Variants in COL6A3 observed in about 807,000 individuals in gnomAD.
The protein encoded by COL6A3 is collagen type VI alpha 3 chain.
Under a neutral mutation model 274.1 loss-of-function variants are expected in COL6A3, and 137 were observed. That is an observed-to-expected ratio of 0.50 (90% confidence interval 0.44 to 0.58). The LOEUF is 0.58. Ranked by LOEUF, COL6A3 falls within the 20% of genes least tolerant of loss-of-function variation. The pLI is 0.00. For synonymous variants in COL6A3, 1,650 were observed against 1,650.6 expected, an observed-to-expected ratio of 1.00 and a Z score of 0.01; for missense variants, 3,950 against 4,124.9, an observed-to-expected ratio of 0.96 and a Z score of 1.16.
chr2:237,376,214 A>G (rs1001282537), intron 7 of COL6A3, among the ~76,000 whole-genome samples: 2 of 152,262 alleles, frequency 1.3e-5, no homozygotes, highest in Non-Finnish European at 1.5e-5. Flanking sequence ...AGGGGAAATT[A>G]CTCTCTTCAC....
At chr2:237,400,890 A>G (rs917540543) in intron 1 of COL6A3, among the ~76,000 whole-genome samples, 3 of 152,250 alleles carry the variant, frequency 2.0e-5, no homozygotes, top group Admixed American at 2.0e-4. Flanking sequence ...ACTCTAACCA[A>G]GTGGAACTTA....
At chr2:237,329,845 G>T (rs945867030) in intron 42 of COL6A3, 2 of 152,132 alleles carry the variant, frequency 1.3e-5, no homozygotes, top group African/African-American at 4.8e-5. Context: ...CCAATGAGAA[G>T]AAAATTGTGC....
chr2:237,344,226 G>T lies in COL6A3; in HGVS notation c.7668+124C>A. On this transcript the variant is annotated intron_variant, in intron 36 of 43. Transcript: ENST00000295550. The surrounding 1 kb of genome is among the most constrained non-coding windows in gnomAD (Gnocchi z 4.8). ...CACAAGAGAAGTTCTCAGGCAGATG[G>T]CCTCATTGGGGACGTTTTAGGAGCT... 7.0e-7 allele frequency: 1 copy of T among 1,434,302 alleles called. No individual in the cohort carries two copies. The highest frequency in any genetic ancestry group is 1.4e-5 in the African/African-American group (1 of 71,566). The allele number at this position is 1,434,302 out of a possible 1,614,324, so 88.8% of individuals were successfully genotyped here.
intron 24 of COL6A3, 29 bp from the exon 25 acceptor site, chr2:237,353,432 A>G (rs774945935): frequency 6.2e-7 from 1 of 1,604,236 alleles, no homozygotes; most frequent in South Asian, 1.1e-5. Flanking sequence ...TGCAGGGAGG[A>G]GTCAGGATGG....
chr2:237,341,570 AAC>A (rs1450940015), intron 37 of COL6A3, among the ~76,000 whole-genome samples: 38 of 146,476 alleles, frequency 2.6e-4, no homozygotes, highest in African/African-American at 3.7e-4. Flanking sequence ...AAAAAAAAAA[AAC>A]ATCACAACCA....
chr2:237,337,877 A>C (rs1195221039), intron 39 of COL6A3, among the ~76,000 whole-genome samples: 1 of 151,326 alleles, frequency 6.6e-6, no homozygotes, highest in Non-Finnish European at 1.5e-5. Context: ...GCCCACTCCC[A>C]CCCCTCCCGT....
At position 237,414,053 on chromosome 2, in the gene COL6A3, T is replaced by G. The variant is rs1214873540; in HGVS notation, c.-131A>C. On this transcript the variant is annotated 5_prime_UTR_variant, in exon 1 of 44. Transcript: ENST00000295550. ...CACTCACTGCGTCTCTTTTTCTTTT[T>G]GCAGCCTTTCTCCACCAAAAAAGTG... 2 of 152,248 alleles carry G rather than the reference T, an allele frequency of 1.3e-5. No homozygotes were observed. The highest frequency in any genetic ancestry group is 6.5e-5 in the Admixed American group (1 of 15,282). 9.4% of individuals were successfully genotyped at this position (152,248 alleles called of 1,614,324 possible).
chr2:237,412,160 C>T (rs1248405365), intron 1 of COL6A3, among the ~76,000 whole-genome samples: 1 of 152,220 alleles, frequency 6.6e-6, no homozygotes, highest in Non-Finnish European at 1.5e-5. Flanking sequence ...GTAAAAGCCA[C>T]GCCTCCCCAC....
Position 237,344,620 on chromosome 2 carries a change from C to T in COL6A3, c.7398G>A (p.Lys2466=), listed in dbSNP as rs758223638. 3.7e-6 allele frequency: 6 copies of T among 1,614,226 alleles called. No homozygotes were observed. Among genetic ancestry groups the T allele is most frequent in the Non-Finnish European group, 5.1e-6 (6 of 1,180,036 alleles). The change falls in exon 36 of 44, where the codon AAG becomes AAA. Residue 2466 remains lysine (K), a synonymous_variant. Transcript: ENST00000295550. The surrounding 1 kb of genome is among the most constrained non-coding windows in gnomAD (Gnocchi z 4.8). ...TEIRFADSKR[K]SVLLDKIKNL... The stretch of plus-strand genomic sequence containing the variant: ...TCTTAATCTTGTCCAGGAGGACCGA[C>T]TTCCTCTTGGAGTCAGCAAACCGGA...
At chr2:237,359,651 G>C (rs540652619) in intron 17 of COL6A3, among the ~76,000 whole-genome samples, 1 of 152,358 alleles carries the variant, frequency 6.6e-6, no homozygotes, top group South Asian at 2.1e-4. Flanking sequence ...GCAAGGAGCT[G>C]ACTTTGTAAC....
rs113959162 is a variant in COL6A3, at chr2:237,413,855, G to C, written c.-31+98C>G. On this transcript the variant is annotated intron_variant, in intron 1 of 43. Coordinates refer to ENST00000295550, the MANE Select transcript of COL6A3 (RefSeq NM_004369.4). The surrounding 1 kb of genome is among the most constrained non-coding windows in gnomAD (Gnocchi z 4.0). ...CAGAAAACTGGCGATCAGCATGAAC[G>C]TAAGAGCCACTAACGCTACCTAGAA... 14 of 152,122 alleles carry C rather than the reference G, an allele frequency of 9.2e-5. No homozygotes were observed. Among genetic ancestry groups the C allele is most frequent in the African/African-American group, 3.4e-4 (14 of 41,400 alleles). 9.4% of individuals were successfully genotyped at this position (152,122 alleles called of 1,614,324 possible).
chr2:237,360,301 C>T (rs910838259), intron 16 of COL6A3, 142 bp from the exon 17 acceptor site: 27 of 840,570 alleles, frequency 3.2e-5, no homozygotes, highest in Middle Eastern at 2.2e-4. Flanking sequence ...ATCGAGGCTA[C>T]GTGAGCCAGG....
At chr2:237,387,232 C>T (rs1194325979) in intron 4 of COL6A3, among the ~76,000 whole-genome samples, 1 of 152,186 alleles carries the variant, frequency 6.6e-6, no homozygotes, top group Non-Finnish European at 1.5e-5. Flanking sequence ...TTTCTCAGAA[C>T]TGTAATGAGC....
intron 1 of COL6A3, among the ~76,000 whole-genome samples, chr2:237,409,361 A>G (rs1559296229): frequency 1.3e-5 from 2 of 152,088 alleles, no homozygotes; most frequent in South Asian, 4.1e-4. Flanking sequence ...TTTGTTACAT[A>G]TGTATACATG....
At chr2:237,393,008 C>T (rs1309432498) in intron 3 of COL6A3, among the ~76,000 whole-genome samples, 1 of 152,198 alleles carries the variant, frequency 6.6e-6, no homozygotes, top group Non-Finnish European at 1.5e-5. Flanking sequence ...CCTGGCCTCT[C>T]ATCCTCTGGC....
Position 237,360,107 on chromosome 2 carries a change from G to A in COL6A3, c.6263C>T (p.Pro2088Leu), listed in dbSNP as rs113896755. Reference sequence around the variant, plus strand: ...CCTCACCTTTACTCCTCTCTGGCCCGGGCAGCCCTGGAAACCTTGAGTGCC... The same window carrying A: ...CCTCACCTTTACTCCTCTCTGGCCCAGGCAGCCCTGGAAACCTTGAGTGCC... ...VNGTQGFQGC[P>L]GQRGVKGSRG... Residue 2088 changes from proline to leucine, a missense_variant, in exon 17 of 44, where the codon CCG becomes CTG. Pro to Leu is a moderately conservative substitution (Grantham distance 98). Transcript: ENST00000295550. The A allele has an allele frequency of 7.9e-5, 128 of 1,613,996 alleles. No homozygotes were observed. The highest frequency in any genetic ancestry group is 3.3e-4 in the Middle Eastern group (2 of 6,084).
chr2:237,403,826 G>A lies in COL6A3; in HGVS notation c.-30-6979C>T, dbSNP rs553001362. On this transcript the variant is annotated intron_variant, in intron 1 of 43. Coordinates refer to ENST00000295550, the MANE Select transcript of COL6A3 (RefSeq NM_004369.4). ...CACTTAGGTTGACCCTACCCCCACC[G>A]TGCCACAGCCCCAACTTTGCCCCTT... is the stretch of plus-strand genomic sequence containing the variant. Among the ~76,000 whole-genome samples, 4 of 151,570 alleles carry A rather than the reference G, an allele frequency of 2.6e-5. No individual in the cohort carries two copies. The East Asian group carries it at 5.8e-4, about 22-fold the overall frequency.
chr2:237,378,098 T>C (rs1158562240), intron 6 of COL6A3, among the ~76,000 whole-genome samples: 1 of 152,234 alleles, frequency 6.6e-6, no homozygotes, highest in Admixed American at 6.5e-5. Flanking sequence ...CAACCATATC[T>C]TACCACCATA....
At chr2:237,366,094 C>G (rs887993653) in intron 11 of COL6A3, 59 bp from the exon 12 acceptor site, 1 of 1,482,862 alleles carries the variant, frequency 6.7e-7, no homozygotes, top group African/African-American at 1.4e-5. Flanking sequence ...ACGAACTCTA[C>G]TTATACCAGC....
Sources: gnomAD v4.1 joint callset for allele counts (sites outside exome capture counted in the v4.1 genomes callset) on GRCh38, gnomAD v4.1.1 for gene constraint, Gnocchi (gnomAD v3.1) non-coding constraint, MANE v1.5 for transcripts, NCBI Gene and HGNC (gene_info 2026-07-23, HGNC 2026-07-21) for gene names.